SSBP2: variants seen among roughly 807,000 people sequenced by gnomAD.
SSBP2 encodes the protein single stranded DNA binding protein 2.
Under a neutral mutation model 61.8 loss-of-function variants are expected in SSBP2, and 17 were observed. The observed-to-expected ratio is 0.28, with a 90% CI of 0.19 to 0.41. The LOEUF is 0.41. Ranked by LOEUF, SSBP2 falls within the 10% of genes least tolerant of loss-of-function variation. SSBP2 has a pLI of 1.00. For missense variants in SSBP2, 310 were observed against 458.7 expected, an observed-to-expected ratio of 0.68 and a Z score of 2.96; for synonymous variants, 139 against 141.3, an observed-to-expected ratio of 0.98 and a Z score of 0.12.
At chr5:81,749,390 AG>A (rs1443565401) in intron 1 of SSBP2, among the ~76,000 whole-genome samples, 2 of 152,208 alleles carry the variant, frequency 1.3e-5, no homozygotes, top group Non-Finnish European at 2.9e-5. Flanking sequence ...GCCAACACAA[AG>A]ATTAGGAAAT....
rs1406202198 is a variant in SSBP2 at position 81,605,814 on chromosome 5, G to GT, written c.282+9658dup. On this transcript the variant is annotated intron_variant, in intron 4 of 16. Transcript: ENST00000320672. Reference sequence around the variant, plus strand: ...AGTACTCACTATAGACGCAGAGCTTGTTTTTTCCCCTGAATGATGGGAGAG... The same window carrying GT: ...AGTACTCACTATAGACGCAGAGCTTGTTTTTTTCCCCTGAATGATGGGAGAG... 4.6e-5 allele frequency among the ~76,000 whole-genome samples: 7 copies of GT among 152,260 alleles called. No homozygotes were observed. In the East Asian group the frequency reaches 9.6e-4, roughly 21 times the overall value.
chr5:81,619,753 C>G (rs1746379426), intron 3 of SSBP2, among the ~76,000 whole-genome samples: 1 of 31,888 alleles, frequency 3.1e-5, no homozygotes, highest in Non-Finnish European at 5.6e-5. Context: ...AGCTTATCCA[C>G]CATGATCAAG....
At chr5:81,661,304 G>A (rs912822047) in intron 1 of SSBP2, among the ~76,000 whole-genome samples, 5 of 152,052 alleles carry the variant, frequency 3.3e-5, no homozygotes, top group South Asian at 2.1e-4. Flanking sequence ...TGATTAAAGC[G>A]GCAATGACTA....
chr5:81,499,936 T>G (rs1767572616), intron 5 of SSBP2, among the ~76,000 whole-genome samples: 1 of 152,210 alleles, frequency 6.6e-6, no homozygotes, highest in Non-Finnish European at 1.5e-5. Flanking sequence ...GTTCTTAAGT[T>G]TCTGATATCT....
intron 5 of SSBP2, among the ~76,000 whole-genome samples, chr5:81,504,250 T>C (rs1768012520): frequency 6.6e-6 from 1 of 152,210 alleles, no homozygotes; most frequent in Non-Finnish European, 1.5e-5. Flanking sequence ...TGCAATGACA[T>C]GCAAACTGCT....
chr5:81,653,600 C>A (rs1028162779), intron 1 of SSBP2, among the ~76,000 whole-genome samples: 5 of 152,222 alleles, frequency 3.3e-5, no homozygotes, highest in Non-Finnish European at 7.3e-5. Flanking sequence ...CACATCCTCT[C>A]CAGCATCTGT....
At chr5:81,676,527 T>C (rs1751999902) in intron 1 of SSBP2, among the ~76,000 whole-genome samples, 1 of 151,992 alleles carries the variant, frequency 6.6e-6, no homozygotes, top group South Asian at 2.1e-4. Flanking sequence ...CACCGAACAG[T>C]CCCCCAAATG....
At chr5:81,668,257 A>AAG (rs1484628313) in intron 1 of SSBP2, among the ~76,000 whole-genome samples, 10 of 149,462 alleles carry the variant, frequency 6.7e-5, no homozygotes, top group African/African-American at 2.2e-4. Flanking sequence ...TTAAAAAAAA[A>AAG]AAAAAAAAAA....
At chr5:81,751,096 TCCCCGGGA>T in exon 1 of SSBP2, 1 of 1,542,394 alleles carries the variant, frequency 6.5e-7, no homozygotes, top group Non-Finnish European at 8.8e-7. Context: ...CATCACAGCC[TCCCCGGGA>T]ACAGCCCCGT....
intron 4 of SSBP2, among the ~76,000 whole-genome samples, chr5:81,586,625 GCA>G (rs1775073746): frequency 1.4e-5 from 1 of 70,472 alleles, no homozygotes; most frequent in African/African-American, 5.8e-5. Flanking sequence ...ACTGCAGTAT[GCA>G]AAAAAAAAAA....
chr5:81,426,854 C>T (rs1761984150), intron 16 of SSBP2, among the ~76,000 whole-genome samples: 2 of 152,142 alleles, frequency 1.3e-5, no homozygotes. Context: ...CATGTGGAAG[C>T]TTTTTAAAAA....
intron 16 of SSBP2, among the ~76,000 whole-genome samples, chr5:81,422,095 A>G (rs922415478): frequency 6.6e-6 from 1 of 152,152 alleles, no homozygotes; most frequent in African/African-American, 2.4e-5. Flanking sequence ...TCCTTTCAAC[A>G]TGCTAATAAC....
intron 6 of SSBP2, among the ~76,000 whole-genome samples, chr5:81,486,921 G>T (rs1213423221): frequency 6.6e-6 from 1 of 152,188 alleles, no homozygotes; most frequent in African/African-American, 2.4e-5. Context: ...CTGAGTGCTG[G>T]CACTTTCTGC....
At chr5:81,438,564 T>C (rs1300418061) in intron 14 of SSBP2, among the ~76,000 whole-genome samples, 1 of 152,096 alleles carries the variant, frequency 6.6e-6, no homozygotes, top group Non-Finnish European at 1.5e-5. Context: ...ATAGGCATAA[T>C]AAATTATTAA....
At chr5:81,571,165 C>A (rs1224896116) in intron 4 of SSBP2, among the ~76,000 whole-genome samples, 1 of 152,128 alleles carries the variant, frequency 6.6e-6, no homozygotes, top group Non-Finnish European at 1.5e-5. Flanking sequence ...TAATAGTTGT[C>A]CAATTATTCA....
At chr5:81,551,123 T>TAGAAGA (rs1229321715) in intron 4 of SSBP2, among the ~76,000 whole-genome samples, 2 of 142,280 alleles carry the variant, frequency 1.4e-5, no homozygotes, top group Non-Finnish European at 3.0e-5. Context: ...AAAGAAATCA[T>TAGAAGA]AGAAGAAGAA....
chr5:81,650,745 C>T (rs887809354), intron 1 of SSBP2, among the ~76,000 whole-genome samples: 2 of 151,988 alleles, frequency 1.3e-5, no homozygotes, highest in African/African-American at 2.4e-5. Context: ...ATCTTTTTGG[C>T]GAATGTTAAT....
chr5:81,483,797 CT>C (rs1164528570), intron 6 of SSBP2, among the ~76,000 whole-genome samples: 1 of 151,856 alleles, frequency 6.6e-6, no homozygotes, highest in African/African-American at 2.4e-5. Context: ...TTATACTTTT[CT>C]TTTTTCTATA....
intron 4 of SSBP2, among the ~76,000 whole-genome samples, chr5:81,590,639 A>G (rs1775427824): frequency 6.6e-6 from 1 of 152,258 alleles, no homozygotes; most frequent in Non-Finnish European, 1.5e-5. Flanking sequence ...CAAGGTGCTC[A>G]CAAGAAAAAC....
Sources: gnomAD v4.1 joint callset for allele counts (sites outside exome capture counted in the v4.1 genomes callset) on GRCh38, gnomAD v4.1.1 for gene constraint, MANE v1.5 for transcripts, NCBI Gene and HGNC (gene_info 2026-07-23, HGNC 2026-07-21) for gene names.